THSD4: variants seen among roughly 807,000 people sequenced by gnomAD.
THSD4 encodes thrombospondin type 1 domain containing 4.
THSD4 carries 69 observed loss-of-function variants against 119.0 expected under a neutral mutation model. The ratio of observed to expected loss-of-function variants is 0.58; its 90% CI spans 0.48 to 0.71. The LOEUF is 0.71. THSD4 is among the 30% of genes least tolerant of loss of function. The pLI, the probability that THSD4 is intolerant of heterozygous loss-of-function variation, is 0.00. For synonymous variants in THSD4, 524 were observed against 540.4 expected, an observed-to-expected ratio of 0.97 and a Z score of 0.42; for missense variants, 1,393 against 1,391.1, an observed-to-expected ratio of 1.00 and a Z score of -0.02.
intron 5 of THSD4, among the ~76,000 whole-genome samples, chr15:71,256,307 G>A (rs547823501): frequency 2.0e-5 from 3 of 151,688 alleles, no homozygotes; most frequent in Admixed American, 6.6e-5. Flanking sequence ...AAAGCCCATC[G>A]CTACAAAAAA....
chr15:71,396,203 ACT>A (rs2046453000), intron 6 of THSD4, among the ~76,000 whole-genome samples: 1 of 151,726 alleles, frequency 6.6e-6, no homozygotes, highest in African/African-American at 2.4e-5. Flanking sequence ...ATAAATACAT[ACT>A]CTGATACACC....
At chr15:71,328,749 T>C (rs886400872) in intron 6 of THSD4, among the ~76,000 whole-genome samples, 1 of 152,212 alleles carries the variant, frequency 6.6e-6, no homozygotes, top group Admixed American at 6.5e-5. Flanking sequence ...CAGCTTTAGC[T>C]GCATGACCCA....
At chr15:71,645,389 A>G (rs1426531482) in intron 7 of THSD4, among the ~76,000 whole-genome samples, 2 of 152,158 alleles carry the variant, frequency 1.3e-5, no homozygotes, top group Non-Finnish European at 2.9e-5. Context: ...GAAGCCTCAT[A>G]TAAAGCCATC....
chr15:71,187,724 A>T (rs1440725797), intron 3 of THSD4: 2 of 152,288 alleles, frequency 1.3e-5, no homozygotes, highest in Non-Finnish European at 2.9e-5. Flanking sequence ...TTGCATTTCT[A>T]TAGAGAACGA....
In THSD4 at chr15:71,480,771, G is replaced by A. The variant is rs533347509; in HGVS notation, c.1152+68948G>A. ...TATTCCATTGGCCAAAGTAAGTCAC[G>A]TGGCCCAGCCTAAAGTCAGGGGGCA... On this transcript the variant is annotated intron_variant, in intron 7 of 17. Transcript: ENST00000261862. 3.3e-4 allele frequency among the ~76,000 whole-genome samples: 50 copies of A among 152,320 alleles called. 1 individual carries two copies. The highest frequency in any genetic ancestry group is 5.1e-4 in the Non-Finnish European group (35 of 68,032).
intron 3 of THSD4, among the ~76,000 whole-genome samples, chr15:71,200,235 A>T (rs903419403): frequency 1.3e-5 from 2 of 152,116 alleles, no homozygotes; most frequent in East Asian, 3.8e-4. Flanking sequence ...TTGTTGGTCC[A>T]GACAGGCTGG....
At chr15:71,222,717 C>T (rs1268112937) in intron 4 of THSD4, among the ~76,000 whole-genome samples, 2 of 152,096 alleles carry the variant, frequency 1.3e-5, no homozygotes, top group African/African-American at 4.8e-5. Flanking sequence ...GGAGTCTGGT[C>T]GGGTGAGGAA....
chr15:71,368,734 G>T (rs2140431674), intron 6 of THSD4, among the ~76,000 whole-genome samples: 1 of 152,254 alleles, frequency 6.6e-6, no homozygotes, highest in Non-Finnish European at 1.5e-5. Context: ...CTCCAGCTTT[G>T]TTCTTTTGGC....
chr15:71,747,181 T>C (rs2053357055), intron 13 of THSD4, 139 bp downstream of exon 13: 1 of 983,650 alleles, frequency 1.0e-6, no homozygotes. Flanking sequence ...TGGACGGCTG[T>C]TTTTGCAAAC....
chr15:71,485,953 C>T (rs1567003016), intron 7 of THSD4, among the ~76,000 whole-genome samples: 1 of 152,186 alleles, frequency 6.6e-6, no homozygotes, highest in African/African-American at 2.4e-5. Context: ...ATAGCTCCCC[C>T]TTTGCAGTAA....
chr15:71,142,496 A>G (rs1234509081), intron 2 of THSD4, among the ~76,000 whole-genome samples: 1 of 152,134 alleles, frequency 6.6e-6, no homozygotes. Context: ...ATTAATATAA[A>G]TTTACTTTAT....
At chr15:71,701,715 T>A (rs943391432) in intron 8 of THSD4, among the ~76,000 whole-genome samples, 1 of 152,132 alleles carries the variant, frequency 6.6e-6, no homozygotes, top group African/African-American at 2.4e-5. Flanking sequence ...AAAAAATACA[T>A]GTGAACTTTT....
intron 8 of THSD4, among the ~76,000 whole-genome samples, chr15:71,725,330 A>G (rs2052812095): frequency 1.3e-5 from 2 of 152,290 alleles, no homozygotes; most frequent in South Asian, 4.1e-4. Context: ...AGGTAATTAC[A>G]TATGAAATTC....
intron 6 of THSD4, among the ~76,000 whole-genome samples, chr15:71,378,671 A>G (rs946924924): frequency 1.3e-5 from 2 of 152,244 alleles, no homozygotes; most frequent in African/African-American, 4.8e-5. Flanking sequence ...AAGCTTAAAT[A>G]TTAGCCATAA....
intron 4 of THSD4, among the ~76,000 whole-genome samples, chr15:71,238,102 G>A (rs2044121452): frequency 6.6e-6 from 1 of 151,968 alleles, no homozygotes; most frequent in Non-Finnish European, 1.5e-5. Flanking sequence ...CGTTGTCAGG[G>A]CTGGAAATGT....
At chr15:71,741,298 C>A (rs1472195123) in intron 11 of THSD4, among the ~76,000 whole-genome samples, 1 of 151,988 alleles carries the variant, frequency 6.6e-6, no homozygotes, top group Non-Finnish European at 1.5e-5. Context: ...CAAGAGCAGC[C>A]TGGCCAACGT....
At chr15:71,369,419 T>G (rs556734642) in intron 6 of THSD4, among the ~76,000 whole-genome samples, 4 of 152,326 alleles carry the variant, frequency 2.6e-5, no homozygotes, top group African/African-American at 9.6e-5. Context: ...GCTGTGGGAT[T>G]GTCATGGATA....
chr15:71,625,923 A>G (rs1296904461), intron 7 of THSD4, among the ~76,000 whole-genome samples: 1 of 152,044 alleles, frequency 6.6e-6, no homozygotes, highest in Admixed American at 6.6e-5. Context: ...TTCCTGGAGG[A>G]CTCTGCAGGA....
At chr15:71,562,045 C>T (rs1281131232) in intron 7 of THSD4, among the ~76,000 whole-genome samples, 1 of 152,170 alleles carries the variant, frequency 6.6e-6, no homozygotes, top group Non-Finnish European at 1.5e-5. Flanking sequence ...ACTGATTTTA[C>T]ATATGAGGAT....
Sources: allele counts gnomAD v4.1 joint callset (sites outside exome capture counted in the v4.1 genomes callset), GRCh38; gene constraint gnomAD v4.1.1; transcripts MANE v1.5; gene names NCBI Gene and HGNC (gene_info 2026-07-23, HGNC 2026-07-21).